ACTR3C: variants seen among roughly 807,000 people sequenced by gnomAD.
ACTR3C encodes the protein actin related protein 3C, also known as actin-related protein 3C.
Under a neutral mutation model 26.3 loss-of-function variants are expected in ACTR3C, and 18 were observed. That is an observed-to-expected ratio of 0.68 (90% confidence interval 0.47 to 1.01). ACTR3C has a LOEUF of 1.01. ACTR3C is among the 50% of genes least tolerant of loss of function. ACTR3C has a pLI of 0.00. For synonymous variants in ACTR3C, 55 were observed against 94.5 expected, an observed-to-expected ratio of 0.58 and a Z score of 2.42; for missense variants, 184 against 250.7, an observed-to-expected ratio of 0.73 and a Z score of 1.80.
the ACTR3C span, among the ~76,000 whole-genome samples, chr7:150,102,551 C>T: frequency 3.3e-4 from 50 of 152,016 alleles, no homozygotes; most frequent in African/African-American, 1.2e-3. Flanking sequence ...TCTTTTTGGT[C>T]TTATTTTCCT....
the ACTR3C span, among the ~76,000 whole-genome samples, chr7:150,141,436 G>C: frequency 1.3e-5 from 2 of 151,818 alleles, no homozygotes; most frequent in Non-Finnish European, 2.9e-5. Flanking sequence ...CATTAGTAAC[G>C]AGCATGCTAT....
At chr7:150,169,226 A>C in the ACTR3C span, among the ~76,000 whole-genome samples, 1 of 149,928 alleles carries the variant, frequency 6.7e-6, no homozygotes, top group East Asian at 1.9e-4. Flanking sequence ...CCAAAAATAC[A>C]AAAAAAGTTA....
chr7:150,214,267 G>A, the ACTR3C span, among the ~76,000 whole-genome samples: 700 of 152,222 alleles, frequency 4.6e-3, no homozygotes, highest in Middle Eastern at 6.8e-3. Flanking sequence ...AGGCTCAGAT[G>A]TTAGAATTAT....
the ACTR3C span, among the ~76,000 whole-genome samples, chr7:150,185,274 GGC>G: frequency 8.0e-3 from 996 of 124,216 alleles, 6 homozygotes; most frequent in African/African-American, 0.029. Context: ...TTAAATGTCA[GGC>G]GTGTGTGTGT....
the ACTR3C span, among the ~76,000 whole-genome samples, chr7:150,205,882 AG>A: frequency 6.6e-6 from 1 of 152,066 alleles, no homozygotes; most frequent in East Asian, 1.9e-4. Flanking sequence ...AGAGGCTTAT[AG>A]AAAAGTTTGC....
chr7:150,225,412 T>G, the ACTR3C span, among the ~76,000 whole-genome samples: 1 of 152,208 alleles, frequency 6.6e-6, no homozygotes, highest in Non-Finnish European at 1.5e-5. Flanking sequence ...TTCCAGCCCT[T>G]TTCCCTTACT....
chr7:150,042,883 G>T, the ACTR3C span, among the ~76,000 whole-genome samples: 1 of 150,978 alleles, frequency 6.6e-6, no homozygotes, highest in South Asian at 2.1e-4. Context: ...GGCTTTGTCA[G>T]ATCGGGTAGC....
At chr7:150,223,101 AC>A in the ACTR3C span, among the ~76,000 whole-genome samples, 4 of 152,084 alleles carry the variant, frequency 2.6e-5, no homozygotes, top group East Asian at 7.7e-4. Flanking sequence ...CCGATAAACT[AC>A]CCCCATAATC....
intron 6 of ACTR3C, among the ~76,000 whole-genome samples, chr7:150,265,429 T>C (rs185354689): frequency 4.7e-4 from 71 of 151,918 alleles, no homozygotes; most frequent in Admixed American, 2.4e-3. Context: ...CATGATGGCT[T>C]ATGCCTGTAA....
At chr7:150,074,799 C>T in the ACTR3C span, among the ~76,000 whole-genome samples, 1 of 142,352 alleles carries the variant, frequency 7.0e-6, no homozygotes, top group Non-Finnish European at 1.5e-5. Context: ...TACAGAATCC[C>T]TCTTCCTTTC....
chr7:150,169,147 C>T, the ACTR3C span, among the ~76,000 whole-genome samples: 2 of 149,894 alleles, frequency 1.3e-5, no homozygotes, highest in African/African-American at 2.5e-5. Flanking sequence ...TTTGGGAGGC[C>T]GAGGTGGGCA....
chr7:149,982,420 T>C, the ACTR3C span, among the ~76,000 whole-genome samples: 1 of 152,140 alleles, frequency 6.6e-6, no homozygotes, highest in African/African-American at 2.4e-5. Flanking sequence ...GGTTAGTTTT[T>C]ATTATTGTGT....
chr7:150,172,952 G>A, the ACTR3C span, among the ~76,000 whole-genome samples: 4 of 149,302 alleles, frequency 2.7e-5, no homozygotes, highest in Non-Finnish European at 5.9e-5. Context: ...CCATGGTCTT[G>A]GGCAGCTCCA....
the ACTR3C span, among the ~76,000 whole-genome samples, chr7:150,175,350 C>T: frequency 1.4e-5 from 2 of 142,026 alleles, no homozygotes; most frequent in African/African-American, 3.1e-5. Context: ...ACATGTTCCC[C>T]ACCTTAAAAT....
chr7:150,023,139 A>C, the ACTR3C span, among the ~76,000 whole-genome samples: 1 of 69,304 alleles, frequency 1.4e-5, no homozygotes, highest in Non-Finnish European at 3.6e-5. Context: ...ATATACATAT[A>C]TATAGATATC....
At chr7:149,946,651 A>C in the ACTR3C span, among the ~76,000 whole-genome samples, 1 of 152,184 alleles carries the variant, frequency 6.6e-6, no homozygotes, top group Non-Finnish European at 1.5e-5. Context: ...GGAGCTCTCA[A>C]AAGTTCTGTT....
chr7:150,059,052 C>T, the ACTR3C span, among the ~76,000 whole-genome samples: 171 of 152,326 alleles, frequency 1.1e-3, no homozygotes, highest in Non-Finnish European at 1.9e-3. Context: ...TAAAATCCCC[C>T]GGGCTTAGGC....
At chr7:150,290,345 C>T (rs1836142918) in intron 3 of ACTR3C, among the ~76,000 whole-genome samples, 1 of 152,158 alleles carries the variant, frequency 6.6e-6, no homozygotes, top group Non-Finnish European at 1.5e-5. Context: ...ATGATGGGCC[C>T]AAAGCTCCCT....
At chr7:149,977,639 T>C in the ACTR3C span, among the ~76,000 whole-genome samples, 10 of 152,218 alleles carry the variant, frequency 6.6e-5, no homozygotes, top group Non-Finnish European at 1.2e-4. Flanking sequence ...CCAGGTCTCA[T>C]GGCTTCACTG....
Sources: gnomAD v4.1 joint callset for allele counts (sites outside exome capture counted in the v4.1 genomes callset) on GRCh38, gnomAD v4.1.1 for gene constraint, MANE v1.5 for transcripts, NCBI Gene and HGNC (gene_info 2026-07-23, HGNC 2026-07-21) for gene names.